The following HPCAL1 variants were observed in gnomAD, a reference collection of about 807,000 sequenced individuals.
HPCAL1 encodes hippocalcin-like protein 1.
HPCAL1 carries 8 observed loss-of-function variants against 17.1 expected under a neutral mutation model. The observed-to-expected ratio is 0.47, with a 90% confidence interval of 0.27 to 0.84. The LOEUF (loss-of-function observed/expected upper bound fraction) is 0.84. Ranked by LOEUF, HPCAL1 falls within the 40% of genes least tolerant of loss-of-function variation. The pLI is 0.13. For missense variants in HPCAL1, 165 were observed against 271.1 expected (o/e 0.61, Z 2.75); for synonymous variants, 112 against 111.4 (o/e 1.01, Z -0.03).
chr2:10,349,351 A>G (rs939045438), intron 1 of HPCAL1, among the ~76,000 whole-genome samples: 6 of 152,106 alleles, frequency 3.9e-5, no homozygotes, highest in Admixed American at 6.5e-5. Context: ...CTGCTTTTCC[A>G]GTATTATCTG....
chr2:10,422,967 T>C lies in HPCAL1; in HGVS notation c.379-16T>C. The C allele has an allele frequency of 6.3e-7, 1 of 1,587,278 alleles. No individual in the cohort carries two copies. The highest frequency in any genetic ancestry group is 8.6e-7 in the Non-Finnish European group (1 of 1,156,628). On this transcript the variant is annotated splice_polypyrimidine_tract_variant and intron_variant, in intron 3 of 4. Coordinates refer to ENST00000307845, the MANE Select transcript of HPCAL1 (RefSeq NM_002149.4). ...CCCCGGGCCTCTGAGCACAGTGTCA[T>C]TGCCCCCATCCGCAGGCCATCTACA... is the stretch of plus-strand genomic sequence containing the variant.
At chr2:10,402,279 CGT>C in intron 2 of HPCAL1, among the ~76,000 whole-genome samples, 1 of 152,184 alleles carries the variant, frequency 6.6e-6, no homozygotes. Flanking sequence ...GCTCTGAGGG[CGT>C]TTTACACTTC....
intron 1 of HPCAL1, among the ~76,000 whole-genome samples, chr2:10,312,067 C>T (rs556223837): frequency 6.6e-6 from 1 of 151,642 alleles, no homozygotes; most frequent in South Asian, 2.1e-4. Flanking sequence ...CTATCATCCC[C>T]ACCATCACCA....
intron 1 of HPCAL1, among the ~76,000 whole-genome samples, chr2:10,379,746 G>C (rs1372001552): frequency 1.3e-5 from 2 of 152,168 alleles, no homozygotes; most frequent in Non-Finnish European, 2.9e-5. Flanking sequence ...CTGAAAATAA[G>C]ATAAAATTTC....
intron 1 of HPCAL1, among the ~76,000 whole-genome samples, chr2:10,388,130 C>T (rs1054157783): frequency 2.0e-5 from 3 of 152,314 alleles, no homozygotes; most frequent in East Asian, 3.9e-4. Flanking sequence ...CCAAGACAGA[C>T]AGCAGACAGT....
intron 1 of HPCAL1, among the ~76,000 whole-genome samples, chr2:10,357,655 C>T (rs778490713): frequency 3.9e-5 from 6 of 152,214 alleles, no homozygotes; most frequent in East Asian, 1.9e-4. Flanking sequence ...GTAAATATCA[C>T]GACCTCCCTC....
Position 10,344,455 on chromosome 2 carries a change from G to A in HPCAL1, c.-111+41278G>A, listed in dbSNP as rs1013976235. ...CATCTGTTAAGCGCATGCACCAAGC[G>A]GCGATTCCATAGTTGTATAGTGATT... On this transcript the variant is annotated intron_variant, in intron 1 of 4. Transcript: ENST00000307845. This position sits in a 1 kb window ranked among gnomAD's most constrained non-coding sequence, Gnocchi z 4.9. Among the ~76,000 whole-genome samples, 5 of 152,192 alleles carry A rather than the reference G, an allele frequency of 3.3e-5. No individual in the cohort carries two copies. Among genetic ancestry groups the A allele is most frequent in the Admixed American group, 6.5e-5 (1 of 15,274 alleles).
intron 1 of HPCAL1, among the ~76,000 whole-genome samples, chr2:10,321,436 GTGTTGTTGT>G (rs1040224789): frequency 6.6e-6 from 1 of 152,008 alleles, no homozygotes; most frequent in South Asian, 2.1e-4. Flanking sequence ...TCAGGGGAAA[GTGTTGTTGT>G]TGTTGTTGTT....
chr2:10,390,943 G>C (rs769091989), intron 1 of HPCAL1, among the ~76,000 whole-genome samples: 2 of 152,218 alleles, frequency 1.3e-5, no homozygotes, highest in Non-Finnish European at 2.9e-5. Flanking sequence ...GAATATTCCT[G>C]AGGGCCTGGG....
Position 10,422,980 on chromosome 2 carries a change from C to T in HPCAL1, c.379-3C>T, listed in dbSNP as rs1168073255. On this transcript the variant is annotated splice_polypyrimidine_tract_variant and splice_region_variant and intron_variant, in intron 3 of 4. Coordinates refer to ENST00000307845, the MANE Select transcript of HPCAL1 (RefSeq NM_002149.4). Reference sequence around the variant, plus strand: ...AGCACAGTGTCATTGCCCCCATCCGCAGGCCATCTACAAGATGGTGTCGTC... The same window carrying T: ...AGCACAGTGTCATTGCCCCCATCCGTAGGCCATCTACAAGATGGTGTCGTC... The T allele has an allele frequency of 1.9e-6, 3 of 1,606,952 alleles. No individual in the cohort carries two copies. Among genetic ancestry groups the T allele is most frequent in the Non-Finnish European group, 2.6e-6 (3 of 1,174,088 alleles).
At chr2:10,360,636 C>G (rs570275386) in intron 1 of HPCAL1, among the ~76,000 whole-genome samples, 1 of 152,312 alleles carries the variant, frequency 6.6e-6, no homozygotes, top group African/African-American at 2.4e-5. Flanking sequence ...TGGTCTGAAA[C>G]TCCTGACCTC....
At chr2:10,358,680 A>G (rs1572712154) in intron 1 of HPCAL1, among the ~76,000 whole-genome samples, 1 of 152,282 alleles carries the variant, frequency 6.6e-6, no homozygotes, top group East Asian at 1.9e-4. Context: ...CTGGCAGGCC[A>G]CTGACCAGCA....
intron 1 of HPCAL1, among the ~76,000 whole-genome samples, chr2:10,387,049 G>A (rs1326581405): frequency 6.6e-6 from 1 of 152,212 alleles, no homozygotes; most frequent in Non-Finnish European, 1.5e-5. Flanking sequence ...GTGTCGCCCG[G>A]GGCAAGTGGC....
rs1407941345 is a variant in HPCAL1, at chr2:10,323,152, TCTGAC to T, written c.-111+19979_-111+19983del. 2.6e-5 allele frequency among the ~76,000 whole-genome samples: 4 copies of T among 152,190 alleles called. No homozygotes were observed. The highest frequency in any genetic ancestry group is 5.9e-5 in the Non-Finnish European group (4 of 68,032). ...TCATGGCATGTTTCCAGCACAACTC[TCTGAC>T]CTGGCTCCCCCGGTTCCCCAGACGC... On this transcript the variant is annotated intron_variant, in intron 1 of 4. Coordinates refer to ENST00000307845, the MANE Select transcript of HPCAL1 (RefSeq NM_002149.4). This position sits in a 1 kb window ranked among gnomAD's most constrained non-coding sequence, Gnocchi z 4.6.
chr2:10,397,617 CCA>C (rs1423104284), intron 2 of HPCAL1, among the ~76,000 whole-genome samples: 2 of 152,198 alleles, frequency 1.3e-5, no homozygotes, highest in African/African-American at 4.8e-5. Context: ...CGCCTCTCCC[CCA>C]GTGTTAGCCT....
Position 10,304,993 on chromosome 2 carries a change from C to G in HPCAL1, c.-111+1816C>G, listed in dbSNP as rs1662529579. ...GGCTTTTAGGAGCCAGGGATAGAAA[C>G]CTGGTCCGGTTCCTTTGGTTTCCCT... On this transcript the variant is annotated intron_variant, in intron 1 of 4. Coordinates refer to ENST00000307845, the MANE Select transcript of HPCAL1 (RefSeq NM_002149.4). This position sits in a 1 kb window ranked among gnomAD's most constrained non-coding sequence, Gnocchi z 4.1. Among the ~76,000 whole-genome samples, 1 of 152,114 alleles carries G rather than the reference C, an allele frequency of 6.6e-6. No homozygotes were observed.
chr2:10,321,297 T>C (rs1663652843), intron 1 of HPCAL1, among the ~76,000 whole-genome samples: 1 of 152,084 alleles, frequency 6.6e-6, no homozygotes, highest in Admixed American at 6.6e-5. Flanking sequence ...AAACCATTCA[T>C]GAGAAATCCA....
In HPCAL1 at chr2:10,324,566, G is replaced by C. The variant is rs1572638168; in HGVS notation, c.-111+21389G>C. Among the ~76,000 whole-genome samples, 4 of 152,214 alleles carry C rather than the reference G, an allele frequency of 2.6e-5. No individual in the cohort carries two copies. In the East Asian group the frequency reaches 7.7e-4, roughly 29 times the overall value. On this transcript the variant is annotated intron_variant, in intron 1 of 4. Transcript: ENST00000307845. ...AGTTGCTGCTCTGCTAAAAAATTTT[G>C]GGGATTCCTGATTTGCCGGCTGGTT...
intron 1 of HPCAL1, among the ~76,000 whole-genome samples, chr2:10,368,379 G>A (rs1666996397): frequency 6.6e-6 from 1 of 152,090 alleles, no homozygotes; most frequent in Non-Finnish European, 1.5e-5. Context: ...GTGTGTAGGT[G>A]TGTGTGCGTG....
Sources: gnomAD v4.1 joint callset for allele counts (sites outside exome capture counted in the v4.1 genomes callset) on GRCh38, gnomAD v4.1.1 for gene constraint, Gnocchi (gnomAD v3.1) non-coding constraint, MANE v1.5 for transcripts, NCBI Gene and HGNC (gene_info 2026-07-23, HGNC 2026-07-21) for gene names.